The following NDC1 variants were observed in gnomAD, a reference collection of about 807,000 sequenced individuals.
The protein encoded by NDC1 is NDC1 transmembrane nucleoporin, also known as nucleoporin NDC1.
NDC1 carries 24 observed loss-of-function variants against 89.8 expected under a neutral mutation model. The ratio of observed to expected loss-of-function variants is 0.27; its 90% CI spans 0.19 to 0.38. The LOEUF is 0.38. Among genes scored for constraint, NDC1 ranks in the 10% least tolerant of loss-of-function variants. The probability of loss-of-function intolerance (pLI) is 1.00; values close to 1 mark genes in which losing one functional copy is unlikely to be tolerated. For synonymous variants in NDC1, 296 were observed against 284.8 expected (o/e 1.04, Z -0.39); for missense variants, 728 against 797.6 (o/e 0.91, Z 1.05).
At chr1:53,833,411 C>T (rs1041865063) in intron 2 of NDC1, among the ~76,000 whole-genome samples, 6 of 152,230 alleles carry the variant, frequency 3.9e-5, no homozygotes, top group South Asian at 2.1e-4. Flanking sequence ...GCTGGGATTA[C>T]AGGTATGAGC....
chr1:53,777,459 C>A (rs1201665174), intron 16 of NDC1, among the ~76,000 whole-genome samples: 2 of 152,004 alleles, frequency 1.3e-5, no homozygotes. Flanking sequence ...AAATTAGGTC[C>A]AACACACCCT....
intron 6 of NDC1, among the ~76,000 whole-genome samples, chr1:53,815,364 TC>T (rs1433324503): frequency 6.6e-6 from 1 of 152,152 alleles, no homozygotes; most frequent in African/African-American, 2.4e-5. Context: ...CATGATCATC[TC>T]AACAGATGCA....
intron 1 of NDC1, among the ~76,000 whole-genome samples, chr1:53,836,523 A>G (rs1260719738): frequency 6.6e-6 from 1 of 151,542 alleles, no homozygotes; most frequent in African/African-American, 2.4e-5. Flanking sequence ...ATTTTGAGAC[A>G]GCTCGCTCTG....
chr1:53,787,886 T>C (rs866802548), intron 15 of NDC1, among the ~76,000 whole-genome samples: 22 of 139,412 alleles, frequency 1.6e-4, no homozygotes, highest in African/African-American at 5.6e-4. Flanking sequence ...AAAAAAAACA[T>C]GTGGTAAGGG....
intron 6 of NDC1, 107 bp downstream of exon 6, chr1:53,818,864 C>T: frequency 1.7e-6 from 1 of 582,250 alleles, no homozygotes; most frequent in Non-Finnish European, 3.0e-6. Flanking sequence ...GAGCTAATCA[C>T]ATACCTATAA....
At chr1:53,829,186 A>G (rs1473421721) in intron 3 of NDC1, among the ~76,000 whole-genome samples, 3 of 152,152 alleles carry the variant, frequency 2.0e-5, no homozygotes, top group Non-Finnish European at 2.9e-5. Flanking sequence ...TGCTCTTACT[A>G]TACTCAAAGT....
chr1:53,797,868 C>A (rs1647773400), intron 11 of NDC1, among the ~76,000 whole-genome samples: 1 of 152,076 alleles, frequency 6.6e-6, no homozygotes, highest in Non-Finnish European at 1.5e-5. Context: ...CTCAAGTAAT[C>A]CTCCTGCACT....
chr1:53,831,672 A>C, intron 3 of NDC1, among the ~76,000 whole-genome samples: 1 of 144,658 alleles, frequency 6.9e-6, no homozygotes, highest in South Asian at 2.2e-4. Flanking sequence ...ACTCTGTCTC[A>C]AAAAAAAAAA....
chr1:53,838,115 G>T, intron 1 of NDC1, 90 bp downstream of exon 1: 1 of 1,229,800 alleles, frequency 8.1e-7, no homozygotes, highest in Non-Finnish European at 1.1e-6. Context: ...CCCGGGACCG[G>T]CCCTCCCCCG....
intron 11 of NDC1, among the ~76,000 whole-genome samples, chr1:53,798,142 T>TTATTAC (rs1647784369): frequency 1.9e-5 from 2 of 103,776 alleles, no homozygotes; most frequent in African/African-American, 4.1e-5. Flanking sequence ...CTTCTTTTTA[T>TTATTAC]TATTATTATT....
intron 11 of NDC1, among the ~76,000 whole-genome samples, chr1:53,800,154 T>C (rs1401731015): frequency 6.6e-6 from 1 of 152,094 alleles, no homozygotes; most frequent in African/African-American, 2.4e-5. Context: ...AATTAACCAA[T>C]GAAAAACTGC....
chr1:53,800,889 T>C (rs1316648313), intron 10 of NDC1, 41 bp from the exon 11 acceptor site: 1 of 1,523,474 alleles, frequency 6.6e-7, no homozygotes, highest in African/African-American at 1.4e-5. Flanking sequence ...GTAAATAATC[T>C]TACATTCCCC....
At chr1:53,837,741 G>C (rs369685686) in intron 1 of NDC1, among the ~76,000 whole-genome samples, 1 of 152,130 alleles carries the variant, frequency 6.6e-6, no homozygotes, top group Non-Finnish European at 1.5e-5. Context: ...CTTTAAGGAG[G>C]AAGTACTATT....
At chr1:53,806,687 G>C (rs1648121565) in intron 8 of NDC1, among the ~76,000 whole-genome samples, 170 bp from the exon 9 acceptor site, 1 of 151,988 alleles carries the variant, frequency 6.6e-6, no homozygotes. Flanking sequence ...TTTTTTTAAT[G>C]TTACTTTCCC....
At position 53,767,622 on chromosome 1, in the gene NDC1, T is replaced by C. The variant is rs1647076789; in HGVS notation, c.*348A>G. 2 of 168,466 alleles carry C rather than the reference T, an allele frequency of 1.2e-5. No homozygotes were observed. The highest frequency in any genetic ancestry group is 4.7e-5 in the African/African-American group (2 of 42,164). The allele number at this position is 168,466 out of a possible 1,614,324, so 10.4% of individuals were successfully genotyped here. Reference sequence around the variant, plus strand: ...AATCAACCTATACTCATTTCAGAACTGGCTTCCCTCCTTTCAAAAGTAAAT... The same window carrying C: ...AATCAACCTATACTCATTTCAGAACCGGCTTCCCTCCTTTCAAAAGTAAAT... On this transcript the variant is annotated 3_prime_UTR_variant, in exon 18 of 18. Transcript: ENST00000371429.
Position 53,823,024 on chromosome 1 carries a change from C to T in NDC1, c.594+2774G>A, listed in dbSNP as rs541068594. Among the ~76,000 whole-genome samples the T allele has an allele frequency of 3.9e-5, 6 of 152,180 alleles. No individual in the cohort carries two copies. The South Asian group carries it at 1.2e-3, about 32-fold the overall frequency. On this transcript the variant is annotated intron_variant, in intron 5 of 17. Coordinates refer to ENST00000371429, the MANE Select transcript of NDC1 (RefSeq NM_018087.5). ...CTAGAGCTAATGAAAGAAAGATAAG[C>T]TACGGTGTCCTCCCTCCCTCTTAGT... is the stretch of plus-strand genomic sequence containing the variant.
intron 5 of NDC1, among the ~76,000 whole-genome samples, chr1:53,821,300 A>G (rs1437089980): frequency 6.6e-6 from 1 of 152,000 alleles, no homozygotes; most frequent in Non-Finnish European, 1.5e-5. Context: ...TATGTAAGAT[A>G]AGGCACGGTG....
At chr1:53,821,875 C>T (rs1648679240) in intron 5 of NDC1, among the ~76,000 whole-genome samples, 1 of 152,218 alleles carries the variant, frequency 6.6e-6, no homozygotes, top group Non-Finnish European at 1.5e-5. Context: ...TTTCAACAGT[C>T]TTGTTGGCAT....
chr1:53,800,793 A>G lies in NDC1; in HGVS notation c.1122T>C (p.Asn374=). 1 of 1,613,198 alleles carries G rather than the reference A, an allele frequency of 6.2e-7. No individual in the cohort carries two copies. The highest frequency in any genetic ancestry group is 8.5e-7 in the Non-Finnish European group (1 of 1,179,592). ...AISRECLNLL[N]GMTQKLILYQ... ...AGAGAATCAGTTTCTGAGTCATACC[A>G]TTTAAAAGATTCAAACACTCCCTTG... Residue 374 remains asparagine, a synonymous_variant, in exon 11 of 18, where the codon AAT becomes AAC. Coordinates refer to ENST00000371429, the MANE Select transcript of NDC1 (RefSeq NM_018087.5).
Sources: allele counts gnomAD v4.1 joint callset (sites outside exome capture counted in the v4.1 genomes callset), GRCh38; gene constraint gnomAD v4.1.1; transcripts MANE v1.5; gene names NCBI Gene and HGNC (gene_info 2026-07-23, HGNC 2026-07-21).